Variants in PRKCB observed in about 807,000 individuals in gnomAD.
PRKCB encodes protein kinase C beta, also known as protein kinase C beta type.
A neutral mutation model predicts 81.5 loss-of-function variants in PRKCB; 13 were observed. The ratio of observed to expected loss-of-function variants is 0.16; its 90% confidence interval spans 0.10 to 0.25. The LOEUF (loss-of-function observed/expected upper bound fraction) is 0.25, where lower values mean the gene tolerates loss of function less well. PRKCB is among the 10% of genes least tolerant of loss of function. PRKCB has a pLI of 1.00. For missense variants in PRKCB, 509 were observed against 875.7 expected, an observed-to-expected ratio of 0.58 and a Z score of 5.29; for synonymous variants, 335 against 321.4, an observed-to-expected ratio of 1.04 and a Z score of -0.45.
intron 3 of PRKCB, among the ~76,000 whole-genome samples, chr16:24,021,014 T>TTCTTTCTTTTTC (rs1965361203): frequency 7.1e-6 from 1 of 140,962 alleles, no homozygotes; most frequent in African/African-American, 2.7e-5. Context: ...CTTTCTTTCT[T>TTCTTTCTTTTTC]TCTTTCTTTC....
chr16:23,873,194 A>G (rs1273258421), intron 2 of PRKCB, among the ~76,000 whole-genome samples: 1 of 114,606 alleles, frequency 8.7e-6, no homozygotes, highest in African/African-American at 3.2e-5. Context: ...ACACACAAAA[A>G]AAAAAAAAAA....
At chr16:23,863,158 A>ACAGG (rs1453777867) in intron 2 of PRKCB, among the ~76,000 whole-genome samples, 3 of 142,908 alleles carry the variant, frequency 2.1e-5, no homozygotes, top group African/African-American at 7.6e-5. Flanking sequence ...ATATATATAC[A>ACAGG]CATGCATATA....
chr16:23,860,041 A>G (rs1434165997), intron 2 of PRKCB, among the ~76,000 whole-genome samples: 2 of 152,042 alleles, frequency 1.3e-5, no homozygotes, highest in African/African-American at 4.8e-5. Flanking sequence ...GGTGGTTTCT[A>G]TTTTCTTTGT....
chr16:24,019,599 G>A lies in PRKCB; in HGVS notation c.289-12537G>A, dbSNP rs375216046. Among the ~76,000 whole-genome samples the A allele has an allele frequency of 1.4e-4, 22 of 152,036 alleles. 5 individuals are homozygous for A. The highest frequency in any genetic ancestry group is 3.3e-4 in the Admixed American group (5 of 15,260). On this transcript the variant is annotated intron_variant, in intron 3 of 16. Transcript: ENST00000643927. ...ACTAATATGGCGAAACCCTGTCTCTGCAAAAAATATAAAAAGTAGCTAGGC... is the reference window on the plus strand; with the variant it reads ...ACTAATATGGCGAAACCCTGTCTCTACAAAAAATATAAAAAGTAGCTAGGC...
At chr16:23,903,046 G>A (rs1275301255) in intron 2 of PRKCB, among the ~76,000 whole-genome samples, 1 of 142,410 alleles carries the variant, frequency 7.0e-6, no homozygotes, top group Non-Finnish European at 1.5e-5. Context: ...TTGCATGGCT[G>A]GTCTCAAACT....
intron 9 of PRKCB, among the ~76,000 whole-genome samples, chr16:24,131,101 C>A (rs575326387): frequency 3.3e-5 from 5 of 152,090 alleles, no homozygotes; most frequent in Admixed American, 3.3e-4. Context: ...GAAGCTAGCA[C>A]GAGCCAGGAA....
chr16:23,840,791 A>T (rs994741133), intron 2 of PRKCB, among the ~76,000 whole-genome samples: 3 of 152,170 alleles, frequency 2.0e-5, no homozygotes, highest in African/African-American at 7.2e-5. Context: ...TTGGGAAATT[A>T]TGGATTTCTG....
chr16:24,020,969 CTT>C (rs1470901821), intron 3 of PRKCB, among the ~76,000 whole-genome samples: 14 of 123,870 alleles, frequency 1.1e-4, no homozygotes, highest in Non-Finnish European at 2.1e-4. Context: ...CTGAGAGAGA[CTT>C]TTCTTTTTCT....
At chr16:23,847,572 C>CCATT (rs1472581394) in intron 2 of PRKCB, among the ~76,000 whole-genome samples, 1 of 150,086 alleles carries the variant, frequency 6.7e-6, no homozygotes, top group Non-Finnish European at 1.5e-5. Context: ...ATCCATCCAT[C>CCATT]CATCCGTCTG....
chr16:23,952,705 C>A lies in PRKCB; in HGVS notation c.206-35803C>A, dbSNP rs2141780538. 2.0e-5 allele frequency among the ~76,000 whole-genome samples: 3 copies of A among 152,286 alleles called. No homozygotes were observed. In the South Asian group the frequency reaches 6.2e-4, roughly 32 times the overall value. ...TTCTTGGAGGCTTGGCTTCTCATTG[C>A]CATTTTCTAAAGCAGTAGAGAGTGC... is the stretch of plus-strand genomic sequence containing the variant. On this transcript the variant is annotated intron_variant, in intron 2 of 16. Coordinates refer to ENST00000643927, the MANE Select transcript of PRKCB (RefSeq NM_002738.7).
intron 3 of PRKCB, among the ~76,000 whole-genome samples, chr16:23,998,784 T>C (rs1964992938): frequency 6.6e-6 from 1 of 152,178 alleles, no homozygotes; most frequent in Non-Finnish European, 1.5e-5. Context: ...ACAGGTGTCT[T>C]GTCAGACAGA....
chr16:24,170,807 C>T (rs954602943), intron 10 of PRKCB, among the ~76,000 whole-genome samples: 4 of 152,218 alleles, frequency 2.6e-5, no homozygotes, highest in Admixed American at 1.3e-4. Flanking sequence ...AAGCTTGTGC[C>T]CTTTCCCTCT....
chr16:24,112,269 C>A (rs2141918109), intron 7 of PRKCB, among the ~76,000 whole-genome samples: 2 of 152,290 alleles, frequency 1.3e-5, no homozygotes, highest in South Asian at 4.1e-4. Flanking sequence ...TACAGTCAGG[C>A]AGTGGGGGTT....
chr16:24,104,023 A>G (rs1480151834), intron 7 of PRKCB, among the ~76,000 whole-genome samples: 1 of 152,056 alleles, frequency 6.6e-6, no homozygotes, highest in Non-Finnish European at 1.5e-5. Flanking sequence ...CAGGCTGGTC[A>G]TGAACTCCCG....
chr16:23,909,116 T>A (rs544889096), intron 2 of PRKCB, among the ~76,000 whole-genome samples: 3 of 152,258 alleles, frequency 2.0e-5, no homozygotes, highest in Admixed American at 2.0e-4. Flanking sequence ...TATCACTTGC[T>A]CTTTTCACTT....
intron 3 of PRKCB, among the ~76,000 whole-genome samples, chr16:24,010,082 G>A (rs894145376): frequency 6.6e-6 from 1 of 152,058 alleles, no homozygotes; most frequent in Non-Finnish European, 1.5e-5. Flanking sequence ...GTGTGTGTGT[G>A]GCCACATGAT....
chr16:24,115,695 C>T (rs188114881), intron 8 of PRKCB, among the ~76,000 whole-genome samples: 85 of 151,984 alleles, frequency 5.6e-4, no homozygotes, highest in Non-Finnish European at 1.1e-3. Flanking sequence ...GAGCATTTAC[C>T]CAAGAGCATT....
intron 10 of PRKCB, among the ~76,000 whole-genome samples, chr16:24,162,442 CTTTTTTTTTT>C (rs564543744): frequency 2.9e-5 from 2 of 68,602 alleles, no homozygotes; most frequent in African/African-American, 5.4e-5. Context: ...ACAGAGAAGA[CTTTTTTTTTT>C]TTTTTTTTTT....
At chr16:24,013,780 G>GA (rs1965237052) in intron 3 of PRKCB, among the ~76,000 whole-genome samples, 1 of 44,736 alleles carries the variant, frequency 2.2e-5, no homozygotes. Context: ...ATGTGGAATT[G>GA]CAAAAAAAAA....
Sources: allele counts gnomAD v4.1 joint callset (sites outside exome capture counted in the v4.1 genomes callset), GRCh38; gene constraint gnomAD v4.1.1; transcripts MANE v1.5; gene names NCBI Gene and HGNC (gene_info 2026-07-23, HGNC 2026-07-21).